SMYD4: variants seen among roughly 807,000 people sequenced by gnomAD.
The protein encoded by SMYD4 is SET and MYND domain containing 4, also known as protein-lysine N-methyltransferase SMYD4.
A neutral mutation model predicts 72.8 loss-of-function variants in SMYD4; 68 were observed. The ratio of observed to expected loss-of-function variants is 0.93; its 90% confidence interval spans 0.77 to 1.14. SMYD4 has a LOEUF of 1.14. SMYD4 is among the 50% of genes most tolerant of loss of function. The probability of loss-of-function intolerance (pLI) is 0.00; values close to 1 mark genes in which losing one functional copy is unlikely to be tolerated. For missense variants in SMYD4, 984 were observed against 1,003.7 expected (o/e 0.98, Z 0.27); for synonymous variants, 407 against 388.6 (o/e 1.05, Z -0.56).
chr17:1,810,259 T>C (rs1053690641), intron 3 of SMYD4, among the ~76,000 whole-genome samples: 2 of 152,004 alleles, frequency 1.3e-5, no homozygotes, highest in Admixed American at 6.6e-5. Flanking sequence ...TAGAAGTTTC[T>C]TGAAGAAATT....
rs1273452188 is a variant in SMYD4, at chr17:1,801,006, T to C, written c.388A>G (p.Asn130Asp). Residue 130 changes from asparagine to aspartate, a missense_variant, in exon 5 of 11, where the codon AAC (asparagine) becomes GAC (aspartate). Physicochemically the swap from Asn to Asp is conservative, Grantham distance 23 (BLOSUM62 1). Coordinates refer to ENST00000305513, the MANE Select transcript of SMYD4 (RefSeq NM_052928.3). ...GQYETCLKDI[N>D]RAQTHGYPER... ...GGATACCCATGTGTCTGTGCTCTGT[T>C]AATGTCTTTAAGACACGTCTGAAAA... The C allele has an allele frequency of 6.2e-7, 1 of 1,608,816 alleles. No homozygotes were observed. Among genetic ancestry groups the C allele is most frequent in the South Asian group, 1.1e-5 (1 of 90,996 alleles).
intron 3 of SMYD4, among the ~76,000 whole-genome samples, chr17:1,805,266 A>C (rs920393324): frequency 1.3e-5 from 2 of 151,758 alleles, no homozygotes; most frequent in Non-Finnish European, 2.9e-5. Context: ...AAAATACAAA[A>C]AAATAGCAGG....
chr17:1,801,122 T>G (rs1909725043), intron 4 of SMYD4, 98 bp from the exon 5 acceptor site: 1 of 1,163,862 alleles, frequency 8.6e-7, no homozygotes. Flanking sequence ...TTAAGGATTA[T>G]TAAAAAATGG....
At chr17:1,799,189 G>A (rs1434332600) in intron 5 of SMYD4, among the ~76,000 whole-genome samples, 2 of 150,842 alleles carry the variant, frequency 1.3e-5, no homozygotes, top group Non-Finnish European at 3.0e-5. Context: ...AACCTGGGAG[G>A]CAGAGCTTGC....
intron 3 of SMYD4, among the ~76,000 whole-genome samples, chr17:1,810,672 C>T (rs777790206): frequency 2.6e-5 from 4 of 152,238 alleles, no homozygotes; most frequent in African/African-American, 4.8e-5. Context: ...CGCCTTCGCG[C>T]CCAAATGTTG....
Position 1,800,237 on chromosome 17 carries a change from T to C in SMYD4, c.1157A>G (p.Asn386Ser), listed in dbSNP as rs1375600266. The change falls in exon 5 of 11, where the codon AAT (asparagine) becomes AGT (serine). Residue 386 changes from asparagine (N) to serine (S), a missense_variant. Physicochemically the swap from Asn to Ser is conservative, Grantham distance 46 (BLOSUM62 1). Transcript: ENST00000305513. ...GCCATAATTAAGTGTCTTGACCTGA[T>C]TGTTGCTTTCAGGTAAACAGATGTC... ...NKDICLPESNNQVKTLNYGLG... is the reference protein window; with the variant it reads ...NKDICLPESNSQVKTLNYGLG... 1.9e-6 allele frequency: 3 copies of C among 1,614,108 alleles called. No homozygotes were observed. The highest frequency in any genetic ancestry group is 2.7e-5 in the African/African-American group (2 of 74,948).
rs71150818 is a variant in SMYD4, at chr17:1,812,545, CTTTTTTTTTTT to C, written c.135-441_135-431del. Among the ~76,000 whole-genome samples, 7 of 63,704 alleles carry C rather than the reference CTTTTTTTTTTT, an allele frequency of 1.1e-4. No individual in the cohort carries two copies. In the East Asian group the frequency reaches 1.4e-3, roughly 12 times the overall value. 41.8% of individuals were successfully genotyped at this position (63,704 alleles called of 152,430 possible). ...TGGGCTCAAATGATCAGCAGAATTT[CTTTTTTTTTTT>C]TTTTTTTTTTTTGAGATGGAGTCTC... On this transcript the variant is annotated intron_variant, in intron 2 of 10. Transcript: ENST00000305513.
intron 4 of SMYD4, 40 bp from the exon 5 acceptor site, chr17:1,801,064 C>T (rs537193293): frequency 6.6e-7 from 1 of 1,521,014 alleles, no homozygotes; most frequent in East Asian, 2.3e-5. Context: ...CCCTTGGTCC[C>T]TATTCTTCAA....
At chr17:1,813,681 G>C (rs1910445988) in intron 2 of SMYD4, among the ~76,000 whole-genome samples, 2 of 152,158 alleles carry the variant, frequency 1.3e-5, no homozygotes, top group South Asian at 4.2e-4. Context: ...CTCCCAAAGT[G>C]CTAGATCACA....
At position 1,828,002 on chromosome 17, in the gene SMYD4, T is replaced by C. The variant is rs1188924133; in HGVS notation, c.-8A>G. 6.2e-7 allele frequency: 1 copy of C among 1,602,468 alleles called. No homozygotes were observed. Among genetic ancestry groups the C allele is most frequent in the Non-Finnish European group, 8.5e-7 (1 of 1,170,792 alleles). ...ATCCACAGGCAGATCCATGCTGCTT[T>C]TGATCTATAAAATGAGTAAGAAAAT... On this transcript the variant is annotated 5_prime_UTR_variant, in exon 2 of 11. Coordinates refer to ENST00000305513, the MANE Select transcript of SMYD4 (RefSeq NM_052928.3).
intron 3 of SMYD4, 134 bp downstream of exon 3, chr17:1,811,837 G>A (rs536203176): frequency 3.4e-6 from 3 of 884,428 alleles, no homozygotes; most frequent in South Asian, 1.9e-5. Flanking sequence ...TAAGGTGGGA[G>A]GATCGCTTGA....
chr17:1,797,230 G>A (rs1437000286), intron 5 of SMYD4, among the ~76,000 whole-genome samples: 3 of 152,186 alleles, frequency 2.0e-5, no homozygotes, highest in Non-Finnish European at 4.4e-5. Context: ...ATATTCATCT[G>A]TCTATAAAAA....
rs1453699782 is a variant in SMYD4, at chr17:1,781,419, A to G, written c.2282T>C (p.Leu761Pro). ...FFNGFAVPEA[L>P]STIQKAEEVL... ...CTCCTCAGCTTTCTGTATTGTGCTC[A>G]GGGCTTCGGGTACTGCAAACCTGAG... Residue 761 changes from leucine (L) to proline (P), a missense_variant, in exon 11 of 11, where the codon CTG (leucine) becomes CCG (proline). Coordinates refer to ENST00000305513, the MANE Select transcript of SMYD4 (RefSeq NM_052928.3). The G allele has an allele frequency of 6.2e-6, 10 of 1,614,006 alleles. No individual in the cohort carries two copies. The South Asian group carries it at 1.1e-4, about 18-fold the overall frequency.
At chr17:1,802,744 G>C (rs377288631) in intron 4 of SMYD4, among the ~76,000 whole-genome samples, 1 of 152,234 alleles carries the variant, frequency 6.6e-6, no homozygotes, top group South Asian at 2.1e-4. Flanking sequence ...TGAAACAGAT[G>C]TATCAAAATG....
chr17:1,787,110 T>C, intron 6 of SMYD4, 137 bp from the exon 7 acceptor site: 1 of 1,167,838 alleles, frequency 8.6e-7, no homozygotes, highest in Non-Finnish European at 1.2e-6. Context: ...TTTGTGGAAC[T>C]GGATACTAAA....
chr17:1,818,725 C>T (rs772651929), intron 2 of SMYD4, among the ~76,000 whole-genome samples: 4 of 151,980 alleles, frequency 2.6e-5, no homozygotes, highest in Non-Finnish European at 5.9e-5. Context: ...AGTGGTACGA[C>T]CTCTGCTCAC....
intron 5 of SMYD4, among the ~76,000 whole-genome samples, chr17:1,795,196 G>A (rs1158650045): frequency 6.6e-6 from 1 of 151,800 alleles, no homozygotes; most frequent in Non-Finnish European, 1.5e-5. Flanking sequence ...CCCAGTGGGT[G>A]GGGTCTTGCT....
rs1478926972 is a variant in SMYD4, at chr17:1,794,108, T to A, written c.1537+5749A>T. Reference sequence around the variant, plus strand: ...ATATATATATATATATATATATATTTTTTTTTTTTTTTTTTTTTTGAGATG... The same window carrying A: ...ATATATATATATATATATATATATTATTTTTTTTTTTTTTTTTTTGAGATG... On this transcript the variant is annotated intron_variant, in intron 5 of 10. Coordinates refer to ENST00000305513, the MANE Select transcript of SMYD4 (RefSeq NM_052928.3). 1.8e-3 allele frequency among the ~76,000 whole-genome samples: 48 copies of A among 27,398 alleles called. 1 individual carries two copies. Among genetic ancestry groups the A allele is most frequent in the South Asian group, 0.011 (7 of 622 alleles). 18.0% of individuals were successfully genotyped at this position (27,398 alleles called of 152,430 possible). A position where few individuals can be genotyped will look rare whatever the true frequency, so the allele number is the denominator to read the frequency against.
intron 4 of SMYD4, among the ~76,000 whole-genome samples, chr17:1,801,491 C>T (rs988557822): frequency 2.0e-5 from 3 of 151,690 alleles, no homozygotes; most frequent in Non-Finnish European, 4.4e-5. Flanking sequence ...ACGCCCGCCT[C>T]AGCCTCCCAA....
Sources: allele counts gnomAD v4.1 joint callset (sites outside exome capture counted in the v4.1 genomes callset), GRCh38; gene constraint gnomAD v4.1.1; transcripts MANE v1.5; gene names NCBI Gene and HGNC (gene_info 2026-07-23, HGNC 2026-07-21).